Variants in OOSP3 observed in about 807,000 individuals in gnomAD.
OOSP3 encodes oocyte secreted protein family member 3.
intron 2 of OOSP3, among the ~76,000 whole-genome samples, chr11:59,890,505 G>A (rs532056180): frequency 2.0e-5 from 3 of 152,108 alleles, no homozygotes; most frequent in Non-Finnish European, 4.4e-5. Context: ...TTGCTTGTCC[G>A]AAAAGGATTT....
chr11:59,881,205 T>C (rs1018205643), intron 2 of OOSP3, among the ~76,000 whole-genome samples: 1 of 151,870 alleles, frequency 6.6e-6, no homozygotes, highest in Non-Finnish European at 1.5e-5. Context: ...CTAAAAAATA[T>C]ATAAAAAATT....
At chr11:59,885,960 G>T (rs1474405548) in intron 2 of OOSP3, among the ~76,000 whole-genome samples, 1 of 152,116 alleles carries the variant, frequency 6.6e-6, no homozygotes, top group South Asian at 2.1e-4. Flanking sequence ...GTAAATGTGT[G>T]CCATGGTGGT....
chr11:59,896,146 A>T (rs745649614), exon 5 of OOSP3: 11 of 398,320 alleles, frequency 2.8e-5, no homozygotes, highest in Non-Finnish European at 4.9e-5. Flanking sequence ...GAGGCATCTC[A>T]TCAGTCACTT....
chr11:59,888,447 G>A (rs977551804), intron 2 of OOSP3, among the ~76,000 whole-genome samples: 1 of 152,078 alleles, frequency 6.6e-6, no homozygotes, highest in Admixed American at 6.6e-5. Context: ...GTCATAAATG[G>A]CTCTTATGGT....
At chr11:59,895,460 T>C (rs1024312003) in intron 3 of OOSP3, 42 bp from the exon 4 acceptor site, 6 of 398,028 alleles carry the variant, frequency 1.5e-5, no homozygotes, top group East Asian at 7.1e-5. Context: ...TATTTTTAAA[T>C]GTAATCTGAT....
chr11:59,883,676 A>G (rs1853223268), intron 2 of OOSP3, among the ~76,000 whole-genome samples: 2 of 152,224 alleles, frequency 1.3e-5, no homozygotes, highest in African/African-American at 2.4e-5. Context: ...GGTGCTTAGA[A>G]GAGTGGTTAA....
rs569610846 is a variant in OOSP3 at position 59,880,162 on chromosome 11, T to C, written c.74-99T>C. The stretch of plus-strand genomic sequence containing the variant: ...CTCTCAAGGCTGTTTTACAGTGGTG[T>C]ATATACATATGTTTAAATATGCTAT... On this transcript the variant is annotated intron_variant, in intron 1 of 4. Transcript: ENST00000646438. 4 of 396,784 alleles carry C rather than the reference T, an allele frequency of 1.0e-5. No homozygotes were observed. The East Asian group carries it at 1.1e-4, about 11-fold the overall frequency. The allele number at this position is 396,784 out of a possible 1,614,324, so 24.6% of individuals were successfully genotyped here. A position where few individuals can be genotyped will look rare whatever the true frequency, so the allele number is the denominator to read the frequency against.
intron 1 of OOSP3, among the ~76,000 whole-genome samples, chr11:59,879,391 A>G (rs991601825): frequency 6.6e-6 from 1 of 152,030 alleles, no homozygotes; most frequent in African/African-American, 2.4e-5. Context: ...TTTGCATTCC[A>G]CTTACTTTTT....
chr11:59,882,059 G>GT (rs1472717730), intron 2 of OOSP3, among the ~76,000 whole-genome samples: 1 of 151,938 alleles, frequency 6.6e-6, no homozygotes, highest in Non-Finnish European at 1.5e-5. Context: ...GGCCTTTGTG[G>GT]TTTTTCCCAT....
chr11:59,885,843 A>G (rs1256409876), intron 2 of OOSP3, among the ~76,000 whole-genome samples: 2 of 152,050 alleles, frequency 1.3e-5, no homozygotes, highest in Non-Finnish European at 2.9e-5. Flanking sequence ...GAGTTGAATA[A>G]TGTGCCATCT....
intron 3 of OOSP3, among the ~76,000 whole-genome samples, chr11:59,894,746 T>G (rs572381073): frequency 6.6e-6 from 1 of 152,262 alleles, no homozygotes; most frequent in Admixed American, 6.5e-5. Context: ...GTAAAATGAG[T>G]TAAACAGAGC....
At chr11:59,888,830 G>A (rs564110733) in intron 2 of OOSP3, among the ~76,000 whole-genome samples, 1 of 152,286 alleles carries the variant, frequency 6.6e-6, no homozygotes, top group Non-Finnish European at 1.5e-5. Flanking sequence ...TTAGAGAGAA[G>A]TTCCTTATTT....
chr11:59,881,183 AT>A (rs1853197245), intron 2 of OOSP3, among the ~76,000 whole-genome samples: 1 of 151,826 alleles, frequency 6.6e-6, no homozygotes, highest in African/African-American at 2.4e-5. Flanking sequence ...ACATGGTGAA[AT>A]GCTGTCTCTA....
At chr11:59,883,707 C>A (rs866829983) in intron 2 of OOSP3, among the ~76,000 whole-genome samples, 2 of 152,120 alleles carry the variant, frequency 1.3e-5, no homozygotes, top group Admixed American at 6.6e-5. Flanking sequence ...AGCTTCAATG[C>A]GAAACTTTTT....
chr11:59,890,017 C>T (rs1428888380), intron 2 of OOSP3, among the ~76,000 whole-genome samples: 1 of 152,104 alleles, frequency 6.6e-6, no homozygotes, highest in African/African-American at 2.4e-5. Flanking sequence ...TGAATTGAAC[C>T]CTTTACCATG....
chr11:59,882,002 A>G (rs560042788), intron 2 of OOSP3, among the ~76,000 whole-genome samples: 2 of 152,364 alleles, frequency 1.3e-5, no homozygotes, highest in East Asian at 3.9e-4. Flanking sequence ...GCTGTTTCAC[A>G]TCTACAAAAC....
At chr11:59,894,608 CTTG>C (rs1312453247) in intron 3 of OOSP3, among the ~76,000 whole-genome samples, 4 of 152,190 alleles carry the variant, frequency 2.6e-5, no homozygotes, top group African/African-American at 9.7e-5. Flanking sequence ...AGCATTCCTG[CTTG>C]TTGTTGTCTT....
intron 2 of OOSP3, among the ~76,000 whole-genome samples, chr11:59,888,029 C>A (rs977896587): frequency 6.6e-6 from 1 of 152,042 alleles, no homozygotes; most frequent in South Asian, 2.1e-4. Context: ...CCCTTGTTAG[C>A]TGTATTCCTA....
chr11:59,883,782 T>C (rs546027069), intron 2 of OOSP3, among the ~76,000 whole-genome samples: 27 of 152,264 alleles, frequency 1.8e-4, no homozygotes, highest in African/African-American at 2.6e-4. Flanking sequence ...ATTATCCCCA[T>C]TGTACAGAAG....
Sources: gnomAD v4.1 joint callset for allele counts (sites outside exome capture counted in the v4.1 genomes callset) on GRCh38, gnomAD v4.1.1 for gene constraint, MANE v1.5 for transcripts, NCBI Gene and HGNC (gene_info 2026-07-23, HGNC 2026-07-21) for gene names.